The following WWOX variants were observed in gnomAD, a reference collection of about 807,000 sequenced individuals.
WWOX encodes WW domain-containing oxidoreductase.
In WWOX, 69 loss-of-function variants were observed where a neutral mutation model predicts 46.2. The ratio of observed to expected loss-of-function variants is 1.49; its 90% confidence interval spans 1.23 to 1.82. The LOEUF (loss-of-function observed/expected upper bound fraction) is 1.82. Among genes scored for constraint, WWOX ranks in the 40% most tolerant of loss-of-function variants. WWOX has a pLI of 0.00. For synonymous variants in WWOX, 359 were observed against 202.6 expected (o/e 1.77, Z -6.56); for missense variants, 919 against 542.6 (o/e 1.69, Z -6.89).
intron 8 of WWOX, among the ~76,000 whole-genome samples, chr16:78,928,038 C>CA (rs1479592547): frequency 2.0e-4 from 30 of 151,432 alleles, no homozygotes; most frequent in African/African-American, 6.3e-4. Flanking sequence ...CATAAACAAA[C>CA]AAAAAAAATA....
chr16:78,841,387 A>C (rs2052145480), intron 8 of WWOX, among the ~76,000 whole-genome samples: 1 of 152,228 alleles, frequency 6.6e-6, no homozygotes. Flanking sequence ...GCAGCTCATG[A>C]GAGCAGATTT....
chr16:78,852,375 C>A (rs1039230235), intron 8 of WWOX, among the ~76,000 whole-genome samples: 7 of 152,202 alleles, frequency 4.6e-5, no homozygotes, highest in African/African-American at 1.7e-4. Flanking sequence ...TCTTGGATCA[C>A]TCCTTGTGGC....
chr16:78,785,933 G>A (rs778270405), intron 8 of WWOX, among the ~76,000 whole-genome samples: 1 of 152,096 alleles, frequency 6.6e-6, no homozygotes, highest in Non-Finnish European at 1.5e-5. Context: ...TTGAGATGGA[G>A]TCTCATTCTG....
intron 8 of WWOX, among the ~76,000 whole-genome samples, chr16:78,558,220 C>G (rs903329525): frequency 3.9e-5 from 6 of 152,324 alleles, no homozygotes; most frequent in Admixed American, 6.5e-5. Context: ...CCCTTCCGAT[C>G]CCTGGGTAAG....
At chr16:78,328,997 G>T (rs756575263) in intron 5 of WWOX, among the ~76,000 whole-genome samples, 1 of 151,976 alleles carries the variant, frequency 6.6e-6, no homozygotes, top group Non-Finnish European at 1.5e-5. Context: ...GAGTACCTGG[G>T]ACTACAGGCT....
At chr16:79,004,454 T>C (rs1050679773) in intron 8 of WWOX, 2 of 152,232 alleles carry the variant, frequency 1.3e-5, no homozygotes, top group Non-Finnish European at 2.9e-5. Context: ...AAAGCTGCGG[T>C]CAGAGGCAGA....
chr16:78,368,853 C>G (rs1282157269), intron 5 of WWOX, among the ~76,000 whole-genome samples: 1 of 152,326 alleles, frequency 6.6e-6, no homozygotes, highest in East Asian at 1.9e-4. Context: ...TGCCGGTGCC[C>G]AAACCAGCAG....
At chr16:78,428,801 A>G (rs1351326713) in intron 7 of WWOX, among the ~76,000 whole-genome samples, 2 of 152,192 alleles carry the variant, frequency 1.3e-5, no homozygotes, top group Admixed American at 6.5e-5. Context: ...TGAGCTCAGG[A>G]GTTGAGATTA....
At chr16:78,654,212 T>C (rs2047030099) in intron 8 of WWOX, among the ~76,000 whole-genome samples, 2 of 152,236 alleles carry the variant, frequency 1.3e-5, no homozygotes, top group Admixed American at 1.3e-4. Context: ...GCGATTTGAA[T>C]AGAGCTCACA....
intron 8 of WWOX, among the ~76,000 whole-genome samples, chr16:78,939,995 A>T: frequency 6.6e-6 from 1 of 152,222 alleles, no homozygotes; most frequent in East Asian, 1.9e-4. Flanking sequence ...GGAAATTTTA[A>T]ATCTATTTTT....
At chr16:78,827,633 G>T (rs1420911509) in intron 8 of WWOX, among the ~76,000 whole-genome samples, 1 of 150,896 alleles carries the variant, frequency 6.6e-6, no homozygotes, top group African/African-American at 2.4e-5. Flanking sequence ...AGGACTTCGA[G>T]ACCAGCCTGG....
At chr16:79,117,755 G>C (rs562801589) in intron 8 of WWOX, among the ~76,000 whole-genome samples, 2 of 152,194 alleles carry the variant, frequency 1.3e-5, no homozygotes, top group Admixed American at 6.5e-5. Flanking sequence ...TTTTGTTATG[G>C]AGACGGCTTT....
intron 5 of WWOX, among the ~76,000 whole-genome samples, chr16:78,375,563 A>C (rs1273374914): frequency 6.6e-6 from 1 of 152,208 alleles, no homozygotes; most frequent in Non-Finnish European, 1.5e-5. Context: ...GTCAGTGTGA[A>C]TTATTGGTTG....
chr16:78,708,489 C>G (rs1180634470), intron 8 of WWOX, among the ~76,000 whole-genome samples: 1 of 152,192 alleles, frequency 6.6e-6, no homozygotes, highest in Non-Finnish European at 1.5e-5. Context: ...TGGGAAATGA[C>G]TCTGTATCAA....
chr16:78,829,818 C>G (rs890974927), intron 8 of WWOX, among the ~76,000 whole-genome samples: 5 of 152,158 alleles, frequency 3.3e-5, no homozygotes, highest in African/African-American at 9.7e-5. Context: ...AATTCCAGAG[C>G]TCCTCCCTCC....
intron 8 of WWOX, among the ~76,000 whole-genome samples, chr16:78,541,288 A>T (rs1330571556): frequency 1.3e-5 from 2 of 150,820 alleles, no homozygotes; most frequent in African/African-American, 4.9e-5. Flanking sequence ...TCCCGGCTAA[A>T]ACGGTGAAAC....
At chr16:79,146,461 G>T (rs2050184774) in intron 8 of WWOX, among the ~76,000 whole-genome samples, 1 of 152,166 alleles carries the variant, frequency 6.6e-6, no homozygotes, top group South Asian at 2.1e-4. Flanking sequence ...GGGCAGCGTA[G>T]TAGAAGGGTC....
At chr16:79,019,956 C>T (rs1455763607) in intron 8 of WWOX, among the ~76,000 whole-genome samples, 1 of 152,194 alleles carries the variant, frequency 6.6e-6, no homozygotes, top group African/African-American at 2.4e-5. Context: ...AAGCACACAG[C>T]CGTGATCAGT....
intron 8 of WWOX, among the ~76,000 whole-genome samples, chr16:79,108,310 T>C (rs2049349595): frequency 6.6e-6 from 1 of 152,208 alleles, no homozygotes; most frequent in Non-Finnish European, 1.5e-5. Context: ...CACACATCAG[T>C]GTATACCCAG....
Sources: gnomAD v4.1 joint callset for allele counts (sites outside exome capture counted in the v4.1 genomes callset) on GRCh38, gnomAD v4.1.1 for gene constraint, MANE v1.5 for transcripts, NCBI Gene and HGNC (gene_info 2026-07-23, HGNC 2026-07-21) for gene names.